EVI5: variants seen among roughly 807,000 people sequenced by gnomAD.
EVI5 encodes the protein ecotropic viral integration site 5.
A neutral mutation model predicts 112.0 loss-of-function variants in EVI5; 73 were observed. That is an observed-to-expected ratio of 0.65 (90% CI 0.54 to 0.79). The LOEUF (loss-of-function observed/expected upper bound fraction) is 0.79, where lower values mean the gene tolerates loss of function less well. Ranked by LOEUF, EVI5 falls within the 30% of genes least tolerant of loss-of-function variation. EVI5 has a pLI of 0.00. For synonymous variants in EVI5, 305 were observed against 319.9 expected, an observed-to-expected ratio of 0.95 and a Z score of 0.50; for missense variants, 900 against 968.8, an observed-to-expected ratio of 0.93 and a Z score of 0.94.
intron 18 of EVI5, among the ~76,000 whole-genome samples, chr1:92,575,326 C>G (rs1007866917): frequency 3.9e-5 from 6 of 152,014 alleles, no homozygotes; most frequent in Non-Finnish European, 4.4e-5. Context: ...ATTTTACTAC[C>G]GTATATTTCA....
At chr1:92,741,057 C>T (rs1298535740) in intron 1 of EVI5, among the ~76,000 whole-genome samples, 1 of 152,180 alleles carries the variant, frequency 6.6e-6, no homozygotes, top group Admixed American at 6.5e-5. Flanking sequence ...ACTTTTTCAG[C>T]ATTTAAATCG....
chr1:92,619,461 T>TAC (rs1260517657), intron 16 of EVI5, among the ~76,000 whole-genome samples: 1 of 151,708 alleles, frequency 6.6e-6, no homozygotes, highest in Non-Finnish European at 1.5e-5. Context: ...TATATATATA[T>TAC]ATATCCTATT....
At chr1:92,663,306 C>A (rs1204028999) in intron 12 of EVI5, 114 bp downstream of exon 12, 1 of 485,198 alleles carries the variant, frequency 2.1e-6, no homozygotes, top group Non-Finnish European at 3.5e-6. Flanking sequence ...AAAATTATTT[C>A]TAGAAAAACG....
chr1:92,790,209 T>C (rs1685985332), intron 1 of EVI5, among the ~76,000 whole-genome samples: 1 of 152,060 alleles, frequency 6.6e-6, no homozygotes, highest in African/African-American at 2.4e-5. Context: ...TTCTGGAGAC[T>C]GAAGTGGGAG....
chr1:92,614,798 T>C lies in EVI5; in HGVS notation c.1828-7071A>G, dbSNP rs373740467. The stretch of plus-strand genomic sequence containing the variant: ...TATATATATATGAGTTATATATATG[T>C]ATGTGTATTATATATAATATACATG... On this transcript the variant is annotated intron_variant, in intron 16 of 19. Coordinates refer to ENST00000684568, the MANE Select transcript of EVI5 (RefSeq NM_001350197.2). 7.5e-4 allele frequency among the ~76,000 whole-genome samples: 111 copies of C among 148,254 alleles called. 3 individuals are homozygous for C. The South Asian group carries it at 0.023, about 31-fold the overall frequency.
At chr1:92,619,115 A>G (rs559053623) in intron 16 of EVI5, among the ~76,000 whole-genome samples, 11 of 152,286 alleles carry the variant, frequency 7.2e-5, no homozygotes, top group Non-Finnish European at 1.3e-4. Context: ...TCCAAGATCA[A>G]TACAAAGTAC....
At chr1:92,646,052 T>C (rs1240789723) in intron 13 of EVI5, among the ~76,000 whole-genome samples, 2 of 152,232 alleles carry the variant, frequency 1.3e-5, no homozygotes, top group Non-Finnish European at 2.9e-5. Context: ...CAATGGGTTC[T>C]AGCACAGGGA....
intron 1 of EVI5, among the ~76,000 whole-genome samples, chr1:92,750,763 G>A (rs1053739987): frequency 6.6e-6 from 1 of 151,968 alleles, no homozygotes; most frequent in Non-Finnish European, 1.5e-5. Context: ...CTGTGAAAAA[G>A]GTCAATTAGT....
At chr1:92,596,231 T>C (rs966530156) in intron 18 of EVI5, among the ~76,000 whole-genome samples, 1 of 152,072 alleles carries the variant, frequency 6.6e-6, no homozygotes, top group African/African-American at 2.4e-5. Flanking sequence ...CATGGTGGCA[T>C]GTGCCTGTAG....
chr1:92,527,925 A>G (rs1371849929), intron 19 of EVI5, among the ~76,000 whole-genome samples: 3 of 152,150 alleles, frequency 2.0e-5, no homozygotes, highest in Non-Finnish European at 4.4e-5. Flanking sequence ...TGCTGCTATG[A>G]GCATTCTTAA....
At chr1:92,734,274 T>G (rs1676983194) in intron 2 of EVI5, among the ~76,000 whole-genome samples, 1 of 152,234 alleles carries the variant, frequency 6.6e-6, no homozygotes, top group Non-Finnish European at 1.5e-5. Context: ...TTCATCTTTT[T>G]TGTTTGTATG....
At chr1:92,617,515 C>T (rs1298498993) in intron 16 of EVI5, among the ~76,000 whole-genome samples, 1 of 152,196 alleles carries the variant, frequency 6.6e-6, no homozygotes, top group Middle Eastern at 3.2e-3. Flanking sequence ...GAGGACACCA[C>T]TCAGCCTCTT....
intron 2 of EVI5, among the ~76,000 whole-genome samples, chr1:92,710,203 G>A (rs879158800): frequency 6.6e-6 from 1 of 151,092 alleles, no homozygotes; most frequent in Admixed American, 6.6e-5. Context: ...AATTAGCCAG[G>A]TGTGGTAGTG....
intron 16 of EVI5, among the ~76,000 whole-genome samples, chr1:92,622,981 CT>C (rs1475851656): frequency 1.3e-5 from 2 of 152,170 alleles, no homozygotes; most frequent in East Asian, 3.8e-4. Context: ...TGAGACAGTG[CT>C]TTGTGTTTCA....
chr1:92,631,769 G>A (rs1403883109), intron 14 of EVI5, among the ~76,000 whole-genome samples: 1 of 152,208 alleles, frequency 6.6e-6, no homozygotes, highest in Non-Finnish European at 1.5e-5. Context: ...CGTTTTCAAA[G>A]GGAATGCTTC....
chr1:92,637,537 T>C (rs963353832), intron 13 of EVI5, among the ~76,000 whole-genome samples: 4 of 152,232 alleles, frequency 2.6e-5, no homozygotes, highest in African/African-American at 9.6e-5. Context: ...TAAGTCGTCA[T>C]TTTTAAGCCA....
chr1:92,714,868 G>A (rs1255527938), intron 2 of EVI5, among the ~76,000 whole-genome samples: 1 of 152,142 alleles, frequency 6.6e-6, no homozygotes, highest in African/African-American at 2.4e-5. Flanking sequence ...TGGGATTACA[G>A]GCATGAACCA....
chr1:92,694,210 A>G (rs975942444), intron 8 of EVI5, 89 bp downstream of exon 8: 2 of 734,914 alleles, frequency 2.7e-6, no homozygotes, highest in African/African-American at 1.8e-5. Context: ...GGTTGCAGTG[A>G]GCCAAGATCA....
chr1:92,641,290 A>G (rs3936946), intron 13 of EVI5, among the ~76,000 whole-genome samples: 140,313 of 152,286 alleles, frequency 0.92, 64,730 homozygotes, highest in East Asian at 0.97. Context: ...ACTTACCATT[A>G]TAAATCAATA....
Sources: allele counts gnomAD v4.1 joint callset (sites outside exome capture counted in the v4.1 genomes callset), GRCh38; gene constraint gnomAD v4.1.1; transcripts MANE v1.5; gene names NCBI Gene and HGNC (gene_info 2026-07-23, HGNC 2026-07-21).